Variants in SLC6A20 observed in about 807,000 individuals in gnomAD.
SLC6A20 encodes sodium- and chloride-dependent transporter XTRP3.
A neutral mutation model predicts 64.3 loss-of-function variants in SLC6A20; 73 were observed. The ratio of observed to expected loss-of-function variants is 1.14; its 90% CI spans 0.94 to 1.38. The LOEUF is 1.38. Among genes scored for constraint, SLC6A20 ranks in the 40% most tolerant of loss-of-function variants. SLC6A20 has a pLI of 0.00. For missense variants in SLC6A20, 725 were observed against 772.8 expected (o/e 0.94, Z 0.73); for synonymous variants, 347 against 329.6 (o/e 1.05, Z -0.57).
intron 1 of SLC6A20, among the ~76,000 whole-genome samples, chr3:45,785,907 G>C (rs1046181988): frequency 6.6e-6 from 1 of 152,096 alleles, no homozygotes; most frequent in Non-Finnish European, 1.5e-5. Flanking sequence ...CTTGGAGTGT[G>C]CCTGAGACAG....
At chr3:45,772,357 C>T in intron 5 of SLC6A20, 148 bp downstream of exon 5, 1 of 625,642 alleles carries the variant, frequency 1.6e-6, no homozygotes, top group Non-Finnish European at 2.7e-6. Context: ...GCAGGTACTC[C>T]ACACTCCTGC....
Position 45,763,074 on chromosome 3 carries a change from T to C in SLC6A20, c.1304-2A>G, listed in dbSNP as rs1356247634. ...CACAGTTGACAAGGCACACCAGACC[T>C]GGGGGCCACAAGACCAGCTGCTCAC... On this transcript the variant is annotated splice_acceptor_variant, in intron 8 of 10. Transcript: ENST00000358525. LOFTEE classifies it high-confidence loss of function. The C allele has an allele frequency of 6.2e-7, 1 of 1,613,896 alleles. No individual in the cohort carries two copies. Among genetic ancestry groups the C allele is most frequent in the Non-Finnish European group, 8.5e-7 (1 of 1,179,966 alleles).
intron 1 of SLC6A20, among the ~76,000 whole-genome samples, chr3:45,786,854 G>A (rs1422383878): frequency 6.6e-6 from 1 of 152,186 alleles, no homozygotes; most frequent in Non-Finnish European, 1.5e-5. Context: ...CTGTGGTAAT[G>A]TCTCTGCCAC....
intron 6 of SLC6A20, 112 bp from the exon 7 acceptor site, chr3:45,770,483 T>C (rs1699843297): frequency 3.0e-6 from 4 of 1,326,450 alleles, no homozygotes; most frequent in Non-Finnish European, 4.1e-6. Flanking sequence ...GTCTGTTGCT[T>C]GGTGATCTTT....
At chr3:45,770,131 T>C in intron 7 of SLC6A20, 78 bp downstream of exon 7, 1 of 1,577,964 alleles carries the variant, frequency 6.3e-7, no homozygotes, top group Non-Finnish European at 8.6e-7. Flanking sequence ...CTCGCCTATC[T>C]CCCAAGTCAG....
chr3:45,796,433 G>A lies in SLC6A20; in HGVS notation c.-14C>T. 3.7e-6 allele frequency: 6 copies of A among 1,606,874 alleles called. No homozygotes were observed. Among genetic ancestry groups the A allele is most frequent in the Non-Finnish European group, 4.2e-6 (5 of 1,176,970 alleles). On this transcript the variant is annotated 5_prime_UTR_variant, in exon 1 of 11. Coordinates refer to ENST00000358525, the MANE Select transcript of SLC6A20 (RefSeq NM_020208.4). Reference sequence around the variant, plus strand: ...CGCTTTCTCCATGGCCCCGGCCTCGGCGCGCTCGGCTCCGGCTCGGGGGTC... The same window carrying A: ...CGCTTTCTCCATGGCCCCGGCCTCGACGCGCTCGGCTCCGGCTCGGGGGTC...
At chr3:45,781,881 C>T (rs928322099) in intron 2 of SLC6A20, among the ~76,000 whole-genome samples, 11 of 152,254 alleles carry the variant, frequency 7.2e-5, no homozygotes, top group African/African-American at 1.4e-4. Flanking sequence ...CCTGTCTTAC[C>T]GCCCTGTGGG....
chr3:45,781,212 C>T (rs1231122642), intron 2 of SLC6A20, among the ~76,000 whole-genome samples: 1 of 142,504 alleles, frequency 7.0e-6, no homozygotes, highest in African/African-American at 2.6e-5. Flanking sequence ...AAGAGCGAAA[C>T]TCCGCCTCAA....
chr3:45,779,867 C>T (rs2125650093), intron 3 of SLC6A20, 142 bp downstream of exon 3: 2 of 845,460 alleles, frequency 2.4e-6, no homozygotes, highest in Middle Eastern at 3.5e-4. Flanking sequence ...TGCATGGCTT[C>T]CCCTCCACCT....
chr3:45,770,736 A>G (rs1699848811), intron 6 of SLC6A20, among the ~76,000 whole-genome samples: 1 of 152,250 alleles, frequency 6.6e-6, no homozygotes, highest in Admixed American at 6.5e-5. Flanking sequence ...TAACAAGGGA[A>G]TGTACTGAAA....
At chr3:45,782,908 C>A (rs1424981219) in intron 1 of SLC6A20, among the ~76,000 whole-genome samples, 4 of 152,220 alleles carry the variant, frequency 2.6e-5, no homozygotes, top group African/African-American at 9.6e-5. Flanking sequence ...TCTGCCAAAC[C>A]CCACATTCCA....
chr3:45,779,322 T>C (rs1700029252), intron 3 of SLC6A20, among the ~76,000 whole-genome samples: 1 of 152,140 alleles, frequency 6.6e-6, no homozygotes, highest in Non-Finnish European at 1.5e-5. Flanking sequence ...GAAAGGAAAA[T>C]TCCTCTTGTC....
intron 7 of SLC6A20, among the ~76,000 whole-genome samples, chr3:45,766,246 G>A (rs1039667496): frequency 6.6e-6 from 1 of 152,148 alleles, no homozygotes; most frequent in Non-Finnish European, 1.5e-5. Context: ...TGGAAATTGA[G>A]GCTGGAACTC....
chr3:45,796,101 G>C (rs1250833898), intron 1 of SLC6A20, among the ~76,000 whole-genome samples, 198 bp downstream of exon 1: 1 of 152,196 alleles, frequency 6.6e-6, no homozygotes, highest in African/African-American at 2.4e-5. Flanking sequence ...CGAGGGCTTG[G>C]GAGGGCGGCT....
Position 45,758,729 on chromosome 3 carries a change from T to C in SLC6A20, c.*249A>G. 7.8e-7 allele frequency: 1 copy of C among 1,275,186 alleles called. No individual in the cohort carries two copies. The highest frequency in any genetic ancestry group is 9.9e-7 in the Non-Finnish European group (1 of 1,011,210). The allele number at this position is 1,275,186 out of a possible 1,614,324, so 79.0% of individuals were successfully genotyped here. ...CCTGGAATGAAGGATGCAGTTATCT[T>C]TGAGACCGGCTTTCATAGCCCACCC... On this transcript the variant is annotated 3_prime_UTR_variant, in exon 11 of 11. Transcript: ENST00000358525.
chr3:45,772,376 G>A (rs1575428844), intron 5 of SLC6A20, 129 bp downstream of exon 5: 2 of 738,924 alleles, frequency 2.7e-6, no homozygotes, highest in African/African-American at 1.8e-5. Context: ...GCCACACCCT[G>A]GTGGGCTCAC....
chr3:45,776,164 G>C (rs1288026406), intron 3 of SLC6A20, among the ~76,000 whole-genome samples, 176 bp from the exon 4 acceptor site: 2 of 152,106 alleles, frequency 1.3e-5, no homozygotes, highest in African/African-American at 4.8e-5. Context: ...TTTGTCAGGG[G>C]GCACGGGTGA....
Position 45,759,979 on chromosome 3 carries a change from A to C in SLC6A20, c.1507T>G (p.Trp503Gly), listed in dbSNP as rs756540390. The change falls in exon 10 of 11, where the codon TGG (tryptophan) becomes GGG (glycine). Residue 503 changes from tryptophan to glycine, a missense_variant. Trp to Gly is a radical substitution (Grantham distance 184). Coordinates refer to ENST00000358525, the MANE Select transcript of SLC6A20 (RefSeq NM_020208.4). ...CCAGCCCACATCACCTTCCAGTACC[A>C]GCTCACAGCTCGGCCGGTCATGGCC... ...LKAMTGRAVS[W>G]YWKVMWAGVS... The C allele has an allele frequency of 1.2e-6, 2 of 1,613,918 alleles. No individual in the cohort carries two copies. Among genetic ancestry groups the C allele is most frequent in the Non-Finnish European group, 1.7e-6 (2 of 1,179,966 alleles).
intron 1 of SLC6A20, among the ~76,000 whole-genome samples, chr3:45,782,625 A>ATATT (rs917302953): frequency 3.7e-5 from 4 of 107,612 alleles, no homozygotes; most frequent in Non-Finnish European, 6.9e-5. Flanking sequence ...CCATATTTCC[A>ATATT]TCCATCCATC....
Sources: allele counts gnomAD v4.1 joint callset (sites outside exome capture counted in the v4.1 genomes callset), GRCh38; gene constraint gnomAD v4.1.1; transcripts MANE v1.5; gene names NCBI Gene and HGNC (gene_info 2026-07-23, HGNC 2026-07-21).